The following KCNG3 variants were observed in gnomAD, a reference collection of about 807,000 sequenced individuals.
KCNG3 encodes potassium voltage-gated channel modifier subfamily G member 3, also known as voltage-gated potassium channel regulatory subunit KCNG3.
Under a neutral mutation model 29.0 loss-of-function variants are expected in KCNG3, and 15 were observed. The ratio of observed to expected loss-of-function variants is 0.52; its 90% confidence interval spans 0.35 to 0.80. KCNG3 has a LOEUF of 0.80. Ranked by LOEUF, KCNG3 falls within the 30% of genes least tolerant of loss-of-function variation. KCNG3 has a pLI of 0.01. For synonymous variants in KCNG3, 322 were observed against 248.9 expected (o/e 1.29, Z -2.76); for missense variants, 512 against 605.7 (o/e 0.85, Z 1.62).
At chr2:42,418,538 T>G in the KCNG3 span, among the ~76,000 whole-genome samples, 4 of 152,214 alleles carry the variant, frequency 2.6e-5, no homozygotes, top group African/African-American at 4.8e-5. Context: ...TTATTTAAAT[T>G]TGTTGCAACA....
the KCNG3 span, among the ~76,000 whole-genome samples, chr2:42,404,833 G>A: frequency 1.3e-5 from 2 of 152,076 alleles, no homozygotes; most frequent in African/African-American, 4.8e-5. Context: ...GCAATCCCGG[G>A]TCACAAAGCC....
At chr2:42,453,158 T>C (rs1672803738) in intron 1 of KCNG3, among the ~76,000 whole-genome samples, 2 of 152,060 alleles carry the variant, frequency 1.3e-5, no homozygotes, top group African/African-American at 4.8e-5. Flanking sequence ...AACATGGGAG[T>C]GAGTGCACGT....
chr2:42,428,226 G>A, the KCNG3 span, among the ~76,000 whole-genome samples: 70 of 151,494 alleles, frequency 4.6e-4, no homozygotes, highest in African/African-American at 1.6e-3. Flanking sequence ...TTGGGAGGCC[G>A]AGGCAGGTGG....
chr2:42,403,769 T>C, the KCNG3 span, among the ~76,000 whole-genome samples: 2 of 151,766 alleles, frequency 1.3e-5, no homozygotes, highest in Middle Eastern at 3.4e-3. Flanking sequence ...CTGGCCTAAT[T>C]TTTTAGTTTT....
At chr2:42,399,145 C>A in the KCNG3 span, among the ~76,000 whole-genome samples, 1 of 149,318 alleles carries the variant, frequency 6.7e-6, no homozygotes, top group Non-Finnish European at 1.5e-5. Flanking sequence ...CAGCCTTGAC[C>A]TCCTGGGCTC....
rs1350771251 is a variant in KCNG3, at chr2:42,442,622, T to G, written c.*1312A>C. 6.6e-6 allele frequency: 1 copy of G among 152,230 alleles called. No individual in the cohort carries two copies. Among genetic ancestry groups the G allele is most frequent in the Admixed American group, 6.5e-5 (1 of 15,280 alleles). 9.4% of individuals were successfully genotyped at this position (152,230 alleles called of 1,614,324 possible). A position where few individuals can be genotyped will look rare whatever the true frequency, so the allele number is the denominator to read the frequency against. ...CTGACAAAATTACTGTGTACAACAT[T>G]CAATTTTTTATGAATCTGTCACTAA... On this transcript the variant is annotated 3_prime_UTR_variant, in exon 2 of 2. Coordinates refer to ENST00000306078, the MANE Select transcript of KCNG3 (RefSeq NM_133329.6).
intron 1 of KCNG3, among the ~76,000 whole-genome samples, chr2:42,489,172 G>A (rs1673809800): frequency 6.6e-6 from 1 of 151,704 alleles, no homozygotes; most frequent in Admixed American, 6.5e-5. Context: ...CTCCCAAAGT[G>A]CTGGGATTAC....
At chr2:42,408,002 C>T in the KCNG3 span, among the ~76,000 whole-genome samples, 7 of 152,250 alleles carry the variant, frequency 4.6e-5, no homozygotes, top group South Asian at 2.1e-4. Context: ...TTGGTGCCCA[C>T]GCCGATCTCA....
the KCNG3 span, among the ~76,000 whole-genome samples, chr2:42,409,987 C>G: frequency 1.3e-5 from 2 of 152,090 alleles, no homozygotes; most frequent in Non-Finnish European, 2.9e-5. Flanking sequence ...CCACTTAGAA[C>G]TTTTGGGTTT....
intron 1 of KCNG3, among the ~76,000 whole-genome samples, chr2:42,453,524 A>C (rs1672812285): frequency 6.6e-6 from 1 of 152,158 alleles, no homozygotes; most frequent in Admixed American, 6.5e-5. Flanking sequence ...ATATCTATTC[A>C]GATTTTTTGC....
rs1184898795 is a variant in KCNG3 at position 42,493,612 on chromosome 2, G to A, written c.-111C>T. On this transcript the variant is annotated 5_prime_UTR_variant, in exon 1 of 2. Transcript: ENST00000306078. ...GCTGACGGGGGAGCGCGCCGTCGGG[G>A]CCCGCGCTCCCTCGGGGCTCCGCTC... 5 of 986,812 alleles carry A rather than the reference G, an allele frequency of 5.1e-6. No individual in the cohort carries two copies. The highest frequency in any genetic ancestry group is 3.5e-5 in the East Asian group (1 of 28,820). The allele number at this position is 986,812 out of a possible 1,614,324, so 61.1% of individuals were successfully genotyped here.
At chr2:42,389,212 C>G in the KCNG3 span, among the ~76,000 whole-genome samples, 2 of 152,188 alleles carry the variant, frequency 1.3e-5, no homozygotes, top group Non-Finnish European at 2.9e-5. Flanking sequence ...GCCACCTTGC[C>G]GGCCCCATGT....
the KCNG3 span, among the ~76,000 whole-genome samples, chr2:42,400,803 G>T: frequency 6.6e-6 from 1 of 151,698 alleles, no homozygotes; most frequent in Non-Finnish European, 1.5e-5. Context: ...TTCCCCTATG[G>T]TATTTTTGTT....
chr2:42,445,871 C>T lies in KCNG3; in HGVS notation c.666-1292G>A, dbSNP rs566427263. Among the ~76,000 whole-genome samples, 397 of 151,998 alleles carry T rather than the reference C, an allele frequency of 2.6e-3. 1 individual carries two copies. The highest frequency in any genetic ancestry group is 6.8e-3 in the Middle Eastern group (2 of 294). On this transcript the variant is annotated intron_variant, in intron 1 of 1. Coordinates refer to ENST00000306078, the MANE Select transcript of KCNG3 (RefSeq NM_133329.6). ...CCTCTCCAGTAGCTGGGACTACAGG[C>T]GTCTGCCACCATGCGTGACTAATTT...
chr2:42,451,135 GC>G (rs199687163), intron 1 of KCNG3, among the ~76,000 whole-genome samples: 1,691 of 141,328 alleles, frequency 0.012, 38 homozygotes, highest in African/African-American at 0.042. Context: ...AACCTGAAAG[GC>G]AGAGGTCGCA....
chr2:42,485,060 T>A (rs952013241), intron 1 of KCNG3, among the ~76,000 whole-genome samples: 4 of 152,220 alleles, frequency 2.6e-5, no homozygotes, highest in Non-Finnish European at 4.4e-5. Flanking sequence ...TGAAAGGCAA[T>A]CGAAATAATA....
the KCNG3 span, among the ~76,000 whole-genome samples, chr2:42,421,792 A>C: frequency 6.6e-6 from 1 of 152,224 alleles, no homozygotes; most frequent in African/African-American, 2.4e-5. Flanking sequence ...GAGATGAAGC[A>C]TTTTATCCAG....
At chr2:42,463,955 T>G (rs17029739) in intron 1 of KCNG3, 2 of 327,496 alleles carry the variant, frequency 6.1e-6, no homozygotes, top group South Asian at 5.3e-5. Context: ...AACACATCCC[T>G]GGCAGATTTG....
At chr2:42,467,367 T>C (rs1213857161) in intron 1 of KCNG3, among the ~76,000 whole-genome samples, 1 of 152,152 alleles carries the variant, frequency 6.6e-6, no homozygotes, top group Non-Finnish European at 1.5e-5. Flanking sequence ...CACCAACTCA[T>C]TTTAAAAAGT....
Sources: gnomAD v4.1 joint callset for allele counts (sites outside exome capture counted in the v4.1 genomes callset) on GRCh38, gnomAD v4.1.1 for gene constraint, MANE v1.5 for transcripts, NCBI Gene and HGNC (gene_info 2026-07-23, HGNC 2026-07-21) for gene names.